Variants in MINK1 observed in about 807,000 individuals in gnomAD.
The protein encoded by MINK1 is misshapen like kinase 1.
MINK1 carries 46 observed loss-of-function variants against 178.4 expected under a neutral mutation model. That is an observed-to-expected ratio of 0.26 (90% CI 0.20 to 0.33). The LOEUF is 0.33. Among genes scored for constraint, MINK1 ranks in the 10% least tolerant of loss-of-function variants. MINK1 has a pLI of 1.00. For missense variants in MINK1, 1,366 were observed against 1,814.9 expected (o/e 0.75, Z 4.49); for synonymous variants, 797 against 709.7 (o/e 1.12, Z -1.96).
At chr17:4,881,924 G>A (rs2150995733) in intron 4 of MINK1, among the ~76,000 whole-genome samples, 1 of 152,398 alleles carries the variant, frequency 6.6e-6, no homozygotes, top group Middle Eastern at 3.4e-3. Context: ...ATGGCTGTCG[G>A]GAGTTTTGGC....
intron 1 of MINK1, among the ~76,000 whole-genome samples, chr17:4,859,967 G>T (rs1180976273): frequency 6.6e-6 from 1 of 151,520 alleles, no homozygotes; most frequent in Non-Finnish European, 1.5e-5. Context: ...GAAGGGGCGC[G>T]TCCGGGAACT....
intron 1 of MINK1, among the ~76,000 whole-genome samples, chr17:4,873,140 T>C (rs1420644465): frequency 1.3e-5 from 2 of 152,200 alleles, no homozygotes; most frequent in Non-Finnish European, 2.9e-5. Flanking sequence ...TCTCCTCTTC[T>C]GGCGTCTGTT....
At position 4,892,984 on chromosome 17, in the gene MINK1, T is replaced by G; in HGVS notation, c.2317T>G (p.Ser773Ala). Residue 773 changes from serine (S) to alanine (A), a missense_variant, in exon 20 of 32, where the codon TCC (serine) becomes GCC (alanine). By Grantham distance (99) the Ser-to-Ala change is moderately conservative. Transcript: ENST00000355280. ...SLERNRVGVS[S>A]KPDSSPVLSP... Reference sequence around the variant, plus strand: ...TCTTCCACCCTGCCGTCCAGTCTCCTCCAAACCGGACAGCTCCCCTGTGCT... The same window carrying G: ...TCTTCCACCCTGCCGTCCAGTCTCCGCCAAACCGGACAGCTCCCCTGTGCT... 2 of 1,570,756 alleles carry G rather than the reference T, an allele frequency of 1.3e-6. No individual in the cohort carries two copies. Among genetic ancestry groups the G allele is most frequent in the Admixed American group, 3.7e-5 (2 of 53,454 alleles).
chr17:4,883,596 A>G (rs1472692941), intron 4 of MINK1, among the ~76,000 whole-genome samples: 2 of 151,182 alleles, frequency 1.3e-5, no homozygotes, highest in African/African-American at 2.4e-5. Context: ...CAGTGGCGCA[A>G]TCTCAGCTCA....
At position 4,896,160 on chromosome 17, in the gene MINK1, C is replaced by T. The variant is rs772019122; in HGVS notation, c.3466-33C>T. Reference sequence around the variant, plus strand: ...GGAGTCCCAGCGCCTCTCCCCGTGCCCCTGAGCCCTCCTCTCCTCCGGTTC... The same window carrying T: ...GGAGTCCCAGCGCCTCTCCCCGTGCTCCTGAGCCCTCCTCTCCTCCGGTTC... On this transcript the variant is annotated intron_variant, in intron 28 of 31. Transcript: ENST00000355280. This position sits in a 1 kb window ranked among gnomAD's most constrained non-coding sequence, Gnocchi z 4.6. The T allele has an allele frequency of 8.1e-6, 13 of 1,602,776 alleles. No homozygotes were observed. In the South Asian group the frequency reaches 1.1e-4, roughly 14 times the overall value.
chr17:4,897,165 A>G (rs542862067), intron 31 of MINK1, 39 bp from the exon 32 acceptor site: 9 of 1,572,916 alleles, frequency 5.7e-6, no homozygotes, highest in Middle Eastern at 1.7e-4. Flanking sequence ...CACCCCCCCA[A>G]CCTCAGCCCT....
intron 1 of MINK1, among the ~76,000 whole-genome samples, chr17:4,846,238 C>T (rs190407425): frequency 2.6e-5 from 4 of 152,330 alleles, no homozygotes; most frequent in African/African-American, 7.2e-5. Context: ...AAGACCTCTG[C>T]GTTTCCTCAC....
Position 4,860,329 on chromosome 17 carries a change from G to A in MINK1, c.58-17988G>A, listed in dbSNP as rs557719784. Among the ~76,000 whole-genome samples the A allele has an allele frequency of 8.5e-5, 13 of 152,282 alleles. No individual in the cohort carries two copies. In the East Asian group the frequency reaches 2.5e-3, roughly 29 times the overall value. On this transcript the variant is annotated intron_variant, in intron 1 of 31. Transcript: ENST00000355280. ...AGATTTCCACGTGCTGATTGTGAGGGACTGACGGGGGTTTCACCTTCTCTC... is the reference window on the plus strand; with the variant it reads ...AGATTTCCACGTGCTGATTGTGAGGAACTGACGGGGGTTTCACCTTCTCTC...
chr17:4,868,555 T>C (rs1915385512), intron 1 of MINK1, among the ~76,000 whole-genome samples: 1 of 152,192 alleles, frequency 6.6e-6, no homozygotes, highest in African/African-American at 2.4e-5. Context: ...CATAATATCC[T>C]CTGGGCTCTT....
rs535581252 is a variant in MINK1, at chr17:4,851,999, C to CAAAAAAAAA, written c.57+18379_57+18387dup. 2.6e-4 allele frequency among the ~76,000 whole-genome samples: 18 copies of CAAAAAAAAA among 69,440 alleles called. 1 individual carries two copies. The highest frequency in any genetic ancestry group is 7.7e-4 in the African/African-American group (12 of 15,520). 45.6% of individuals were successfully genotyped at this position (69,440 alleles called of 152,430 possible). On this transcript the variant is annotated intron_variant, in intron 1 of 31. Coordinates refer to ENST00000355280, the MANE Select transcript of MINK1 (RefSeq NM_153827.5). ...TGGGCAACAGAGTGAGACTCTGTCTCAAAAAAAAAAAAAAAAAAAAAAAAA... is the reference window on the plus strand; with the variant it reads ...TGGGCAACAGAGTGAGACTCTGTCTCAAAAAAAAAAAAAAAAAAAAAAAAAAAAAAAAAA...
At chr17:4,860,484 TAATC>T (rs143942532) in intron 1 of MINK1, among the ~76,000 whole-genome samples, 20,098 of 152,142 alleles carry the variant, frequency 0.13, 1,604 homozygotes, top group African/African-American at 0.23. Context: ...TCTTGGGAAA[TAATC>T]AAACCCTTTG....
intron 1 of MINK1, chr17:4,851,039 C>G (rs1911871940): frequency 4.4e-6 from 2 of 459,230 alleles, no homozygotes; most frequent in African/African-American, 2.0e-5. Flanking sequence ...TTCCTCCCTT[C>G]TGTCTCACCT....
At chr17:4,890,759 C>A in intron 14 of MINK1, 24 bp downstream of exon 14, 2 of 1,539,884 alleles carry the variant, frequency 1.3e-6, no homozygotes, top group Non-Finnish European at 1.8e-6. Flanking sequence ...CCTTTGCCTC[C>A]TGAGACTGCA....
intron 2 of MINK1, 111 bp downstream of exon 2, chr17:4,878,493 C>A: frequency 2.1e-6 from 2 of 970,418 alleles, no homozygotes; most frequent in South Asian, 1.4e-5. Flanking sequence ...ATGGGAGATG[C>A]TAGAGTCTAG....
At chr17:4,891,226 C>CACA in intron 15 of MINK1, 102 bp downstream of exon 15, 1 of 848,258 alleles carries the variant, frequency 1.2e-6, no homozygotes. Context: ...ACACACACAC[C>CACA]TGCTCAGCCG....
chr17:4,892,375 CT>C, intron 17 of MINK1, 26 bp from the exon 18 acceptor site: 1 of 1,522,856 alleles, frequency 6.6e-7, no homozygotes, highest in Non-Finnish European at 8.9e-7. Context: ...CCGCCGCCCC[CT>C]CGGCACCCCT....
In MINK1 at chr17:4,897,326, C is replaced by T. The variant is rs1969652022; in HGVS notation, c.*39C>T. On this transcript the variant is annotated 3_prime_UTR_variant, in exon 32 of 32. Transcript: ENST00000355280. ...TGGGGCTGTCCCACACTGGACCCAG[C>T]TCTCCCCCTGCAGCCAGGCTTCCCG... 1 of 1,589,384 alleles carries T rather than the reference C, an allele frequency of 6.3e-7. No homozygotes were observed. Among genetic ancestry groups the T allele is most frequent in the Admixed American group, 1.7e-5 (1 of 59,362 alleles).
At chr17:4,856,293 T>C (rs997828490) in intron 1 of MINK1, among the ~76,000 whole-genome samples, 1 of 152,130 alleles carries the variant, frequency 6.6e-6, no homozygotes, top group Admixed American at 6.5e-5. Flanking sequence ...CGCGCTCTAC[T>C]TACCCTCTGG....
chr17:4,890,539 A>T lies in MINK1; in HGVS notation c.1370A>T (p.Glu457Val). Residue 457 changes from glutamate to valine, a missense_variant, in exon 14 of 32, where the codon GAG becomes GTG. Physicochemically the swap from Glu to Val is moderately radical, Grantham distance 121. Coordinates refer to ENST00000355280, the MANE Select transcript of MINK1 (RefSeq NM_153827.5). ...CAGGAATACAAGCGGAAGCAGCTGGAGGAGCAGCGGCAGTCAGAACGTCTC... is the reference window on the plus strand; with the variant it reads ...CAGGAATACAAGCGGAAGCAGCTGGTGGAGCAGCGGCAGTCAGAACGTCTC... ...REQEYKRKQL[E>V]EQRQSERLQR... 1 of 1,590,264 alleles carries T rather than the reference A, an allele frequency of 6.3e-7. No homozygotes were observed.
Sources: gnomAD v4.1 joint callset for allele counts (sites outside exome capture counted in the v4.1 genomes callset) on GRCh38, gnomAD v4.1.1 for gene constraint, Gnocchi (gnomAD v3.1) non-coding constraint, MANE v1.5 for transcripts, NCBI Gene and HGNC (gene_info 2026-07-23, HGNC 2026-07-21) for gene names.